Variants in ANXA8 observed in about 807,000 individuals in gnomAD.
The protein encoded by ANXA8 is annexin A8, also known as VAC-beta.
A neutral mutation model predicts 26.8 loss-of-function variants in ANXA8; 9 were observed. The ratio of observed to expected loss-of-function variants is 0.34; its 90% CI spans 0.20 to 0.59. ANXA8 has a LOEUF of 0.59. Ranked by LOEUF, ANXA8 falls within the 20% of genes least tolerant of loss-of-function variation. ANXA8 has a pLI of 0.84. For synonymous variants in ANXA8, 39 were observed against 94.8 expected (o/e 0.41, Z 3.42); for missense variants, 83 against 238.5 (o/e 0.35, Z 4.29).
chr10:47,632,703 T>C, the ANXA8 span, among the ~76,000 whole-genome samples: 1 of 147,408 alleles, frequency 6.8e-6, no homozygotes, highest in Non-Finnish European at 1.5e-5. Context: ...CAGTTTGTTA[T>C]TTACCATTTA....
At chr10:47,897,018 TC>T in the ANXA8 span, among the ~76,000 whole-genome samples, 3 of 135,106 alleles carry the variant, frequency 2.2e-5, no homozygotes, top group African/African-American at 8.5e-5. Context: ...GCAACCTCTG[TC>T]TCCCGGGTTC....
chr10:47,473,853 C>G, intron 9 of ANXA8, 117 bp downstream of exon 9: 3 of 246,428 alleles, frequency 1.2e-5, no homozygotes, highest in South Asian at 7.7e-5. Context: ...GGGGACATCC[C>G]GTGAAGGTGA....
chr10:47,690,873 T>C, the ANXA8 span: 1 of 1,611,664 alleles, frequency 6.2e-7, no homozygotes, highest in Non-Finnish European at 8.5e-7. Context: ...TGGCCCAGTC[T>C]GAAGCTCTAT....
the ANXA8 span, among the ~76,000 whole-genome samples, chr10:47,572,958 G>T: frequency 6.7e-6 from 1 of 150,082 alleles, no homozygotes; most frequent in East Asian, 2.0e-4. Context: ...CTTCAGACTT[G>T]CCACTTGCCA....
At chr10:47,654,136 T>C in the ANXA8 span, among the ~76,000 whole-genome samples, 5 of 151,500 alleles carry the variant, frequency 3.3e-5, no homozygotes, top group Non-Finnish European at 7.4e-5. Flanking sequence ...CATCATGAGG[T>C]AGTGGTGACG....
the ANXA8 span, among the ~76,000 whole-genome samples, chr10:47,682,635 A>C: frequency 2.3e-4 from 35 of 151,440 alleles, 2 homozygotes; most frequent in Admixed American, 2.2e-3. Context: ...ATGCCTGGCA[A>C]ATTTTTTGTG....
At chr10:47,486,633 G>A (rs1403538073), upstream of ANXA8, among the ~76,000 whole-genome samples, 3 of 136,202 alleles carry the variant, frequency 2.2e-5, no homozygotes, top group Non-Finnish European at 4.7e-5. Flanking sequence ...ACTATAGTTA[G>A]CAGCAATGTA....
the ANXA8 span, among the ~76,000 whole-genome samples, chr10:47,981,905 C>G: frequency 6.6e-6 from 1 of 152,110 alleles, no homozygotes; most frequent in Admixed American, 6.6e-5. Context: ...AGATTGTGTG[C>G]CTTTTTCTCA....
At chr10:47,676,135 GAA>G in the ANXA8 span, among the ~76,000 whole-genome samples, 1 of 151,686 alleles carries the variant, frequency 6.6e-6, no homozygotes, top group East Asian at 1.9e-4. Flanking sequence ...ATTGGAAAGA[GAA>G]AAGACAGAAA....
At chr10:47,633,856 A>G in the ANXA8 span, among the ~76,000 whole-genome samples, 1 of 148,314 alleles carries the variant, frequency 6.7e-6, no homozygotes, top group Non-Finnish European at 1.5e-5. Context: ...TTTTTCACCC[A>G]GTTAATGTAG....
At chr10:47,654,334 C>A in the ANXA8 span, among the ~76,000 whole-genome samples, 1 of 143,842 alleles carries the variant, frequency 7.0e-6, no homozygotes, top group South Asian at 2.1e-4. Context: ...GGATTCTAAG[C>A]TAGTGATAAA....
chr10:47,664,445 G>A, the ANXA8 span, among the ~76,000 whole-genome samples: 10 of 151,784 alleles, frequency 6.6e-5, no homozygotes, highest in South Asian at 4.1e-4. Flanking sequence ...GCGGGTGCCT[G>A]TAATCCCAAC....
chr10:47,628,003 T>G, the ANXA8 span, among the ~76,000 whole-genome samples: 52 of 150,318 alleles, frequency 3.5e-4, no homozygotes, highest in Non-Finnish European at 6.6e-4. Flanking sequence ...AACTTATACC[T>G]CAATAATTAT....
the ANXA8 span, among the ~76,000 whole-genome samples, chr10:47,557,357 T>C: frequency 6.6e-6 from 1 of 151,702 alleles, no homozygotes; most frequent in Non-Finnish European, 1.5e-5. Context: ...TCCTTCCCCA[T>C]GCTGAATGTC....
the ANXA8 span, among the ~76,000 whole-genome samples, chr10:47,699,751 C>T: frequency 1.3e-5 from 2 of 151,434 alleles, no homozygotes; most frequent in East Asian, 1.9e-4. Flanking sequence ...TTGCTTGAGC[C>T]CAGGCTGGGG....
the ANXA8 span, among the ~76,000 whole-genome samples, chr10:47,717,478 A>C: frequency 9.3e-6 from 1 of 106,990 alleles, no homozygotes; most frequent in Admixed American, 9.7e-5. Context: ...CTGCTTGCTC[A>C]ACAAAAGCCA....
the ANXA8 span, among the ~76,000 whole-genome samples, chr10:47,765,813 A>C: frequency 6.9e-5 from 10 of 144,764 alleles, no homozygotes; most frequent in Non-Finnish European, 9.1e-5. Flanking sequence ...CATCCCCCCC[A>C]CCACCCATCT....
At chr10:47,637,292 A>G in the ANXA8 span, among the ~76,000 whole-genome samples, 1 of 146,700 alleles carries the variant, frequency 6.8e-6, no homozygotes, top group African/African-American at 2.7e-5. Flanking sequence ...TAAGTCTCCT[A>G]GAAAACATTT....
At chr10:47,509,848 C>T in the ANXA8 span, among the ~76,000 whole-genome samples, 2,430 of 131,186 alleles carry the variant, frequency 0.019, 153 homozygotes, top group Admixed American at 0.033. Context: ...CTGATTTGGG[C>T]CTATGATGCA....
Sources: gnomAD v4.1 joint callset for allele counts (sites outside exome capture counted in the v4.1 genomes callset) on GRCh38, gnomAD v4.1.1 for gene constraint, MANE v1.5 for transcripts, NCBI Gene and HGNC (gene_info 2026-07-23, HGNC 2026-07-21) for gene names.